The following CATSPERE variants were observed in gnomAD, a reference collection of about 807,000 sequenced individuals.
The protein encoded by CATSPERE is cation channel sperm-associated auxiliary subunit epsilon.
In CATSPERE, 93 loss-of-function variants were observed where a neutral mutation model predicts 114.1. The observed-to-expected ratio is 0.81, with a 90% CI of 0.69 to 0.97. The LOEUF (loss-of-function observed/expected upper bound fraction) is 0.97, where lower values mean the gene tolerates loss of function less well. CATSPERE is among the 50% of genes least tolerant of loss of function. CATSPERE has a pLI of 0.00. For synonymous variants in CATSPERE, 341 were observed against 384.1 expected, an observed-to-expected ratio of 0.89 and a Z score of 1.31; for missense variants, 1,058 against 1,131.6, an observed-to-expected ratio of 0.93 and a Z score of 0.93.
intron 14 of CATSPERE, among the ~76,000 whole-genome samples, chr1:244,589,857 A>G (rs184830410): frequency 6.6e-6 from 1 of 152,196 alleles, no homozygotes; most frequent in Non-Finnish European, 1.5e-5. Flanking sequence ...TTTTGAAAAC[A>G]TGGATTTTAG....
intron 7 of CATSPERE, among the ~76,000 whole-genome samples, chr1:244,499,580 A>G (rs1224597735): frequency 6.9e-6 from 1 of 144,218 alleles, no homozygotes; most frequent in Non-Finnish European, 1.5e-5. Flanking sequence ...AATTATGAGT[A>G]AGAACATGTG....
At chr1:244,635,926 C>T (rs1023434506) in intron 21 of CATSPERE, among the ~76,000 whole-genome samples, 12 of 152,096 alleles carry the variant, frequency 7.9e-5, no homozygotes, top group African/African-American at 2.9e-4. Flanking sequence ...TATACAGGGG[C>T]ACAGCAGGAA....
chr1:244,634,817 C>T (rs1479906749), intron 20 of CATSPERE, among the ~76,000 whole-genome samples: 4 of 152,152 alleles, frequency 2.6e-5, no homozygotes, highest in South Asian at 2.1e-4. Flanking sequence ...TTTGGCATGC[C>T]GCCTAGTACA....
At chr1:244,521,130 G>A (rs1326298549) in intron 8 of CATSPERE, among the ~76,000 whole-genome samples, 2 of 152,190 alleles carry the variant, frequency 1.3e-5, no homozygotes, top group Non-Finnish European at 2.9e-5. Context: ...AAGGCAGGAG[G>A]ATTGCTTGAG....
rs566389452 is a variant in CATSPERE at position 244,503,345 on chromosome 1, A to G, written c.429+4266A>G. On this transcript the variant is annotated intron_variant, in intron 7 of 21. Transcript: ENST00000366534. Reference sequence around the variant, plus strand: ...GGGTTTCCACAATCTTCTGAAAATTATTAGCCACGTCTTTTCAAATATTGT... The same window carrying G: ...GGGTTTCCACAATCTTCTGAAAATTGTTAGCCACGTCTTTTCAAATATTGT... Among the ~76,000 whole-genome samples, 4 of 152,256 alleles carry G rather than the reference A, an allele frequency of 2.6e-5. No individual in the cohort carries two copies. The South Asian group carries it at 8.3e-4, about 32-fold the overall frequency.
intron 6 of CATSPERE, among the ~76,000 whole-genome samples, 177 bp downstream of exon 6, chr1:244,490,648 A>G (rs1671922957): frequency 1.3e-5 from 2 of 152,226 alleles, no homozygotes; most frequent in African/African-American, 2.4e-5. Flanking sequence ...ACCCTTTTCT[A>G]ACCACCTATC....
chr1:244,586,565 C>T (rs1330987827), intron 13 of CATSPERE, among the ~76,000 whole-genome samples: 1 of 152,162 alleles, frequency 6.6e-6, no homozygotes, highest in East Asian at 1.9e-4. Flanking sequence ...AAAATATGCA[C>T]TCCCACTGTG....
At chr1:244,637,057 C>T (rs940096942) in intron 21 of CATSPERE, among the ~76,000 whole-genome samples, 2 of 152,076 alleles carry the variant, frequency 1.3e-5, no homozygotes, top group Non-Finnish European at 2.9e-5. Flanking sequence ...CAGACTCTCC[C>T]CCGAGGACAC....
At position 244,639,961 on chromosome 1, in the gene CATSPERE, C is replaced by T. The variant is rs928420130; in HGVS notation, c.2736C>T (p.Phe912=). ...PSVYLVASFL[F]VLMLLFFTIL... ...TCTACCTGGTAGCTTCTTTCCTCTT[C>T]GTCCTGATGCTGCTCTTCTTCACTA... Residue 912 remains phenylalanine, a synonymous_variant, in exon 22 of 22, where the codon TTC becomes TTT. Coordinates refer to ENST00000366534, the MANE Select transcript of CATSPERE (RefSeq NM_001130957.2). The T allele has an allele frequency of 1.8e-5, 28 of 1,548,080 alleles. No individual in the cohort carries two copies. The highest frequency in any genetic ancestry group is 3.6e-5 in the South Asian group (3 of 83,858).
chr1:244,520,609 G>T (rs1392679404), intron 8 of CATSPERE, among the ~76,000 whole-genome samples: 1 of 152,098 alleles, frequency 6.6e-6, no homozygotes, highest in Non-Finnish European at 1.5e-5. Context: ...ACACACAGCT[G>T]TGTGGAGTCT....
At chr1:244,574,696 T>A (rs1664975428) in intron 11 of CATSPERE, among the ~76,000 whole-genome samples, 2 of 152,292 alleles carry the variant, frequency 1.3e-5, no homozygotes, top group Middle Eastern at 3.4e-3. Flanking sequence ...AAATGTCCTC[T>A]ATAATACTAT....
chr1:244,540,232 A>G (rs1215237386), intron 8 of CATSPERE, among the ~76,000 whole-genome samples: 1 of 151,274 alleles, frequency 6.6e-6, no homozygotes, highest in Non-Finnish European at 1.5e-5. Context: ...CTGTTTGCAG[A>G]CGACATGATT....
At chr1:244,518,141 GATCT>G (rs990664080) in intron 7 of CATSPERE, among the ~76,000 whole-genome samples, 2 of 152,090 alleles carry the variant, frequency 1.3e-5, no homozygotes, top group African/African-American at 4.8e-5. Context: ...GAGCTTTTCA[GATCT>G]ATCTGATTTC....
At chr1:244,611,668 G>A (rs776893355) in intron 19 of CATSPERE, among the ~76,000 whole-genome samples, 43 of 152,016 alleles carry the variant, frequency 2.8e-4, no homozygotes, top group Middle Eastern at 3.2e-3. Flanking sequence ...CAGTTAAAAC[G>A]AAACTTACCC....
At chr1:244,475,306 T>A (rs1391963089) in intron 2 of CATSPERE, among the ~76,000 whole-genome samples, 1 of 151,894 alleles carries the variant, frequency 6.6e-6, no homozygotes, top group Non-Finnish European at 1.5e-5. Flanking sequence ...TGATCTCGGC[T>A]CACTGCAACC....
chr1:244,561,721 C>T (rs1369991439), intron 10 of CATSPERE, among the ~76,000 whole-genome samples: 1 of 152,088 alleles, frequency 6.6e-6, no homozygotes, highest in Admixed American at 6.5e-5. Context: ...GTCAGATACC[C>T]AGTTTGAATG....
At chr1:244,631,492 A>G (rs1296170586) in intron 20 of CATSPERE, among the ~76,000 whole-genome samples, 1 of 152,250 alleles carries the variant, frequency 6.6e-6, no homozygotes, top group East Asian at 1.9e-4. Flanking sequence ...GCTCTGTGAA[A>G]GACAATGTCA....
At chr1:244,546,176 A>G (rs1343092821) in intron 8 of CATSPERE, among the ~76,000 whole-genome samples, 1 of 152,144 alleles carries the variant, frequency 6.6e-6, no homozygotes, top group African/African-American at 2.4e-5. Flanking sequence ...GATGCACCCC[A>G]TCACTACACC....
At chr1:244,494,895 T>C (rs906665584) in intron 6 of CATSPERE, among the ~76,000 whole-genome samples, 9 of 152,182 alleles carry the variant, frequency 5.9e-5, no homozygotes, top group Non-Finnish European at 1.3e-4. Flanking sequence ...TATTACGGAA[T>C]TATTTTTTGA....
Sources: gnomAD v4.1 joint callset for allele counts (sites outside exome capture counted in the v4.1 genomes callset) on GRCh38, gnomAD v4.1.1 for gene constraint, MANE v1.5 for transcripts, NCBI Gene and HGNC (gene_info 2026-07-23, HGNC 2026-07-21) for gene names.